Variants in OXR1 observed in about 807,000 individuals in gnomAD.
OXR1 encodes oxidation resistance protein 1.
In OXR1, 41 loss-of-function variants were observed where a neutral mutation model predicts 104.6. The observed-to-expected ratio is 0.39, with a 90% confidence interval of 0.31 to 0.51. The LOEUF (loss-of-function observed/expected upper bound fraction) is 0.51. Ranked by LOEUF, OXR1 falls within the 20% of genes least tolerant of loss-of-function variation. The pLI, the probability that OXR1 is intolerant of heterozygous loss-of-function variation, is 0.77. For synonymous variants in OXR1, 348 were observed against 348.4 expected, an observed-to-expected ratio of 1.00 and a Z score of 0.01; for missense variants, 955 against 1,031.9, an observed-to-expected ratio of 0.93 and a Z score of 1.02.
intron 7 of OXR1, chr8:106,698,136 T>C (rs1252326002): frequency 3.2e-6 from 2 of 627,546 alleles, no homozygotes; most frequent in Admixed American, 5.8e-5. Flanking sequence ...CCAGATATCC[T>C]CTTCATTTTC....
intron 3 of OXR1, chr8:106,618,158 C>T (rs1821395944): frequency 6.5e-7 from 1 of 1,536,036 alleles, no homozygotes; most frequent in Non-Finnish European, 8.7e-7. Flanking sequence ...AAGGAAGGAC[C>T]TCAGAAATGT....
chr8:106,595,550 CAAA>C (rs67790797), intron 3 of OXR1, among the ~76,000 whole-genome samples: 5 of 60,740 alleles, frequency 8.2e-5, no homozygotes, highest in African/African-American at 2.1e-4. Flanking sequence ...AACTCCGTCT[CAAA>C]AAAAAAAAAA....
chr8:106,601,272 C>A (rs184251467), intron 3 of OXR1, among the ~76,000 whole-genome samples: 34 of 152,246 alleles, frequency 2.2e-4, no homozygotes, highest in Admixed American at 2.2e-3. Context: ...GGTATGGTAG[C>A]CAGAATTCTA....
At chr8:106,683,751 C>G (rs941485565) in intron 5 of OXR1, among the ~76,000 whole-genome samples, 1 of 152,132 alleles carries the variant, frequency 6.6e-6, no homozygotes, top group African/African-American at 2.4e-5. Context: ...TATTTAATCA[C>G]AGTTCTAGTT....
chr8:106,658,856 G>C (rs1306958887), intron 3 of OXR1, among the ~76,000 whole-genome samples: 1 of 152,080 alleles, frequency 6.6e-6, no homozygotes, highest in South Asian at 2.1e-4. Context: ...CATTTGTAGC[G>C]ACATGATATT....
chr8:106,444,997 A>G (rs951362386), intron 2 of OXR1, among the ~76,000 whole-genome samples: 1 of 152,150 alleles, frequency 6.6e-6, no homozygotes, highest in African/African-American at 2.4e-5. Flanking sequence ...ACCCTGGGCA[A>G]TAGGCATTAG....
At chr8:106,272,756 A>G (rs1453567817) in intron 1 of OXR1, 1 of 152,212 alleles carries the variant, frequency 6.6e-6, no homozygotes, top group East Asian at 1.9e-4. Context: ...AGATTTGAAT[A>G]AAAAGACTTC....
chr8:106,678,634 A>T (rs1404530113), intron 3 of OXR1, among the ~76,000 whole-genome samples: 2 of 152,018 alleles, frequency 1.3e-5, no homozygotes, highest in African/African-American at 4.8e-5. Context: ...AAGCAAATGA[A>T]AAATATTAAT....
intron 3 of OXR1, among the ~76,000 whole-genome samples, chr8:106,641,370 T>A (rs1823613800): frequency 6.6e-6 from 1 of 152,222 alleles, no homozygotes; most frequent in Admixed American, 6.5e-5. Context: ...CTGCCCTGCA[T>A]CTTCTCTGTA....
chr8:106,350,572 T>C (rs904161286), intron 1 of OXR1, among the ~76,000 whole-genome samples: 4 of 152,204 alleles, frequency 2.6e-5, no homozygotes, highest in Non-Finnish European at 1.5e-5. Flanking sequence ...ACAGCTGCAC[T>C]GCAGTGAGAG....
chr8:106,710,475 A>G (rs1039359910), intron 9 of OXR1, 147 bp from the exon 10 acceptor site: 6 of 423,432 alleles, frequency 1.4e-5, no homozygotes, highest in Non-Finnish European at 2.0e-5. Context: ...AGGAAAAAAA[A>G]TATAAATTAA....
At chr8:106,678,268 A>G (rs1827801310) in intron 3 of OXR1, among the ~76,000 whole-genome samples, 1 of 152,024 alleles carries the variant, frequency 6.6e-6, no homozygotes, top group Non-Finnish European at 1.5e-5. Context: ...GTATGGTCAA[A>G]ATGCCATTTA....
intron 10 of OXR1, among the ~76,000 whole-genome samples, chr8:106,713,585 A>C (rs1831931558): frequency 6.6e-6 from 1 of 151,980 alleles, no homozygotes; most frequent in Non-Finnish European, 1.5e-5. Context: ...TGAACTAGTC[A>C]AACACATGCC....
At chr8:106,657,440 G>A (rs1212352783) in intron 3 of OXR1, 1 of 152,354 alleles carries the variant, frequency 6.6e-6, no homozygotes, top group East Asian at 1.9e-4. Context: ...CCCCTCCTAG[G>A]CTCCCGAACT....
chr8:106,499,882 G>GTT (rs1384735698), intron 2 of OXR1, among the ~76,000 whole-genome samples: 1 of 152,224 alleles, frequency 6.6e-6, no homozygotes, highest in Non-Finnish European at 1.5e-5. Flanking sequence ...TGTCTCAGCA[G>GTT]TGACTTGCAA....
At chr8:106,500,991 A>T (rs1811772632) in intron 2 of OXR1, among the ~76,000 whole-genome samples, 2 of 152,198 alleles carry the variant, frequency 1.3e-5, no homozygotes, top group South Asian at 4.1e-4. Context: ...GAGTTGACAA[A>T]TTGAAGTTGG....
intron 3 of OXR1, chr8:106,658,007 C>A (rs1425054154): frequency 1.6e-6 from 2 of 1,248,346 alleles, no homozygotes; most frequent in African/African-American, 3.1e-5. Flanking sequence ...TGACGACGTT[C>A]ACCGAGAAGA....
At position 106,492,461 on chromosome 8, in the gene OXR1, A is replaced by G. The variant is rs80174747; in HGVS notation, c.24-26482A>G. ...AGACTAAATTCTCAGTGTGTTCACT[A>G]TATCAGTTACAGTTGCCCTTAAAAC... On this transcript the variant is annotated intron_variant, in intron 2 of 16. Coordinates refer to ENST00000517566, the MANE Select transcript of OXR1 (RefSeq NM_001198533.2). Among the ~76,000 whole-genome samples, 654 of 152,316 alleles carry G rather than the reference A, an allele frequency of 4.3e-3. 2 individuals carry two copies. Among genetic ancestry groups the G allele is most frequent in the Non-Finnish European group, 6.6e-3 (447 of 68,022 alleles).
At chr8:106,573,021 T>C (rs1014039979) in intron 3 of OXR1, among the ~76,000 whole-genome samples, 1 of 152,074 alleles carries the variant, frequency 6.6e-6, no homozygotes, top group East Asian at 1.9e-4. Flanking sequence ...TCCACAGTTA[T>C]TACACTGGAG....
Sources: allele counts gnomAD v4.1 joint callset (sites outside exome capture counted in the v4.1 genomes callset), GRCh38; gene constraint gnomAD v4.1.1; transcripts MANE v1.5; gene names NCBI Gene and HGNC (gene_info 2026-07-23, HGNC 2026-07-21).